The following KIAA1328 variants were observed in gnomAD, a reference collection of about 807,000 sequenced individuals.
KIAA1328 encodes KIAA1328.
KIAA1328 carries 52 observed loss-of-function variants against 68.1 expected under a neutral mutation model. That is an observed-to-expected ratio of 0.76 (90% CI 0.61 to 0.96). The LOEUF (loss-of-function observed/expected upper bound fraction) is 0.96. KIAA1328 is among the 40% of genes least tolerant of loss of function. The pLI is 0.00. For missense variants in KIAA1328, 641 were observed against 677.6 expected (o/e 0.95, Z 0.60); for synonymous variants, 232 against 239.4 (o/e 0.97, Z 0.28).
At chr18:37,004,837 T>C (rs1445882372) in intron 6 of KIAA1328, among the ~76,000 whole-genome samples, 1 of 151,984 alleles carries the variant, frequency 6.6e-6, no homozygotes, top group Non-Finnish European at 1.5e-5. Context: ...ATTGCAAAAA[T>C]ATGGAACCAG....
intron 7 of KIAA1328, among the ~76,000 whole-genome samples, chr18:37,115,057 G>A (rs564639838): frequency 2.6e-5 from 4 of 152,216 alleles, no homozygotes; most frequent in East Asian, 1.9e-4. Flanking sequence ...AGGACCAGAC[G>A]GATTCACAGC....
At chr18:37,078,041 A>G (rs2056808898) in intron 7 of KIAA1328, among the ~76,000 whole-genome samples, 1 of 152,232 alleles carries the variant, frequency 6.6e-6, no homozygotes. Flanking sequence ...AGCCAAAAGA[A>G]CAAAGCTGGA....
intron 6 of KIAA1328, among the ~76,000 whole-genome samples, chr18:37,007,084 A>G (rs1283326778): frequency 6.6e-6 from 1 of 152,132 alleles, no homozygotes; most frequent in Non-Finnish European, 1.5e-5. Context: ...GTCTTCCTCC[A>G]CTAGTCTCCT....
chr18:37,220,866 G>A (rs1490688369), intron 9 of KIAA1328, among the ~76,000 whole-genome samples: 1 of 152,134 alleles, frequency 6.6e-6, no homozygotes, highest in Non-Finnish European at 1.5e-5. Context: ...TTGCTCTATT[G>A]CCCAGGCTGG....
chr18:37,168,066 A>G (rs1399201135), intron 8 of KIAA1328, among the ~76,000 whole-genome samples: 1 of 152,264 alleles, frequency 6.6e-6, no homozygotes, highest in African/African-American at 2.4e-5. Flanking sequence ...TTCAACATAC[A>G]AAAATCAATC....
intron 6 of KIAA1328, among the ~76,000 whole-genome samples, chr18:37,015,146 C>G (rs539440806): frequency 1.3e-5 from 2 of 152,006 alleles, no homozygotes; most frequent in African/African-American, 2.4e-5. Context: ...CGTGATCCAC[C>G]CACCTCAGCC....
intron 9 of KIAA1328, among the ~76,000 whole-genome samples, chr18:37,199,116 G>T (rs1267933326): frequency 6.6e-6 from 1 of 152,158 alleles, no homozygotes; most frequent in Non-Finnish European, 1.5e-5. Flanking sequence ...AAGTTCAAGG[G>T]TACATATGCA....
intron 4 of KIAA1328, among the ~76,000 whole-genome samples, chr18:36,877,745 C>T (rs1215275814): frequency 6.7e-6 from 1 of 149,346 alleles, no homozygotes; most frequent in Non-Finnish European, 1.5e-5. Context: ...CGACTCACTG[C>T]AAGCTGTGCC....
intron 4 of KIAA1328, among the ~76,000 whole-genome samples, chr18:36,859,196 C>T (rs2047477534): frequency 6.6e-6 from 1 of 152,034 alleles, no homozygotes; most frequent in Admixed American, 6.5e-5. Flanking sequence ...CTTCTCCCCA[C>T]CTTCATTGTT....
chr18:37,080,514 C>T lies in KIAA1328; in HGVS notation c.1232+12969C>T, dbSNP rs1036480872. Among the ~76,000 whole-genome samples, 5 of 152,210 alleles carry T rather than the reference C, an allele frequency of 3.3e-5. No individual in the cohort carries two copies. The South Asian group carries it at 6.2e-4, about 19-fold the overall frequency. ...ATGCTGGGCCGGGCGCGGTGGCTCA[C>T]GCCTATAATCCCAGCACTTTGGGAG... On this transcript the variant is annotated intron_variant, in intron 7 of 9. Transcript: ENST00000280020.
At chr18:37,124,943 G>GT (rs2058357093) in intron 7 of KIAA1328, among the ~76,000 whole-genome samples, 1 of 152,154 alleles carries the variant, frequency 6.6e-6, no homozygotes, top group South Asian at 2.1e-4. Context: ...ATGGCAAAAT[G>GT]TTTATCTGTT....
At position 37,223,862 on chromosome 18, in the gene KIAA1328, C is replaced by A; in HGVS notation, c.*1635C>A. ...CTTTGGAGTAGAAAAGAATGGAGCCCACTAATATTATATTTTTCTTCTGAA... is the reference window on the plus strand; with the variant it reads ...CTTTGGAGTAGAAAAGAATGGAGCCAACTAATATTATATTTTTCTTCTGAA... On this transcript the variant is annotated 3_prime_UTR_variant, in exon 10 of 10. Coordinates refer to ENST00000280020, the MANE Select transcript of KIAA1328 (RefSeq NM_020776.3). 1 of 983,720 alleles carries A rather than the reference C, an allele frequency of 1.0e-6. No individual in the cohort carries two copies. The highest frequency in any genetic ancestry group is 1.2e-6 in the Non-Finnish European group (1 of 828,494). 60.9% of individuals were successfully genotyped at this position (983,720 alleles called of 1,614,324 possible).
chr18:36,942,939 G>A (rs948009286), intron 5 of KIAA1328, among the ~76,000 whole-genome samples: 4 of 152,116 alleles, frequency 2.6e-5, no homozygotes, highest in Admixed American at 1.3e-4. Context: ...TTTTATTCCA[G>A]GAATCAGCCC....
chr18:37,221,078 C>T (rs549053761), intron 9 of KIAA1328, among the ~76,000 whole-genome samples: 72 of 152,256 alleles, frequency 4.7e-4, no homozygotes, highest in African/African-American at 7.5e-4. Flanking sequence ...CCACCCACCT[C>T]GGCCTCCCAA....
intron 6 of KIAA1328, among the ~76,000 whole-genome samples, chr18:36,996,470 C>CT (rs1352256021): frequency 6.6e-6 from 1 of 152,140 alleles, no homozygotes; most frequent in Non-Finnish European, 1.5e-5. Context: ...TGATTGATTA[C>CT]TGAGTCTGTT....
At chr18:37,036,697 T>C (rs2055040735) in intron 6 of KIAA1328, among the ~76,000 whole-genome samples, 1 of 152,218 alleles carries the variant, frequency 6.6e-6, no homozygotes, top group Admixed American at 6.5e-5. Context: ...GGCCACCCTC[T>C]TTCCACATGA....
chr18:37,100,905 A>T (rs566530151), intron 7 of KIAA1328, among the ~76,000 whole-genome samples: 1 of 152,224 alleles, frequency 6.6e-6, no homozygotes, highest in Non-Finnish European at 1.5e-5. Flanking sequence ...TACCCAGGCA[A>T]ACAGGGTCTG....
At chr18:36,899,021 T>G (rs1204067430) in intron 5 of KIAA1328, among the ~76,000 whole-genome samples, 1 of 151,974 alleles carries the variant, frequency 6.6e-6, no homozygotes, top group Non-Finnish European at 1.5e-5. Flanking sequence ...CAATTAGGTA[T>G]TAACTGGAAG....
chr18:36,861,453 T>C (rs951569471), intron 4 of KIAA1328, among the ~76,000 whole-genome samples: 5 of 152,322 alleles, frequency 3.3e-5, no homozygotes, highest in African/African-American at 1.2e-4. Context: ...CTGTTTGTTC[T>C]GAAACTTTTA....
Sources: gnomAD v4.1 joint callset for allele counts (sites outside exome capture counted in the v4.1 genomes callset) on GRCh38, gnomAD v4.1.1 for gene constraint, MANE v1.5 for transcripts, NCBI Gene and HGNC (gene_info 2026-07-23, HGNC 2026-07-21) for gene names.